The following TTLL11 variants were observed in gnomAD, a reference collection of about 807,000 sequenced individuals.
TTLL11 encodes the protein tubulin polyglutamylase TTLL11.
A neutral mutation model predicts 51.7 loss-of-function variants in TTLL11; 42 were observed. The observed-to-expected ratio is 0.81, with a 90% CI of 0.64 to 1.05. The LOEUF is 1.05. Ranked by LOEUF, TTLL11 falls within the 50% of genes least tolerant of loss-of-function variation. The pLI is 0.00. For missense variants in TTLL11, 799 were observed against 940.4 expected (o/e 0.85, Z 1.97); for synonymous variants, 381 against 383.5 (o/e 0.99, Z 0.08).
chr9:122,081,707 G>A (rs1332296308), intron 1 of TTLL11, among the ~76,000 whole-genome samples: 2 of 152,168 alleles, frequency 1.3e-5, no homozygotes, highest in Non-Finnish European at 2.9e-5. Flanking sequence ...AGTAATTAAG[G>A]ACTGTTTTTA....
chr9:122,008,351 CA>C (rs1260007435), intron 3 of TTLL11, among the ~76,000 whole-genome samples: 1 of 152,010 alleles, frequency 6.6e-6, no homozygotes, highest in Non-Finnish European at 1.5e-5. Context: ...GGTTAATATC[CA>C]AAATATATAA....
At chr9:121,908,171 C>T (rs968964861) in intron 6 of TTLL11, among the ~76,000 whole-genome samples, 1 of 152,170 alleles carries the variant, frequency 6.6e-6, no homozygotes, top group Non-Finnish European at 1.5e-5. Flanking sequence ...GAAGACTGAG[C>T]AAGAAGCATT....
At chr9:121,980,941 G>A (rs1003620913) in intron 4 of TTLL11, among the ~76,000 whole-genome samples, 1 of 152,178 alleles carries the variant, frequency 6.6e-6, no homozygotes, top group Non-Finnish European at 1.5e-5. Flanking sequence ...TGAACATAGT[G>A]TATCTTTTCT....
intron 6 of TTLL11, among the ~76,000 whole-genome samples, chr9:121,873,244 C>A (rs1461177271): frequency 6.6e-6 from 1 of 152,190 alleles, no homozygotes; most frequent in African/African-American, 2.4e-5. Context: ...TATGACTATG[C>A]CCCTGTTCCA....
At chr9:121,975,359 C>G (rs1399500154) in intron 4 of TTLL11, among the ~76,000 whole-genome samples, 6 of 152,266 alleles carry the variant, frequency 3.9e-5, no homozygotes, top group African/African-American at 1.4e-4. Flanking sequence ...CTCTGAGAAC[C>G]TAAGGCTGCT....
intron 6 of TTLL11, among the ~76,000 whole-genome samples, chr9:121,872,041 A>G (rs1339737551): frequency 1.3e-5 from 2 of 152,342 alleles, no homozygotes; most frequent in South Asian, 2.1e-4. Flanking sequence ...TAACTGATCC[A>G]AGGAAGTTAG....
chr9:121,881,945 C>T (rs1373560552), intron 6 of TTLL11, among the ~76,000 whole-genome samples: 1 of 152,180 alleles, frequency 6.6e-6, no homozygotes. Flanking sequence ...TCCCAACTAG[C>T]TGGTAATCTT....
chr9:121,859,357 CG>C, intron 8 of TTLL11, among the ~76,000 whole-genome samples: 1 of 151,400 alleles, frequency 6.6e-6, no homozygotes, highest in East Asian at 1.9e-4. Flanking sequence ...CAAAATTAGC[CG>C]GGCATGGTGG....
At chr9:121,911,732 T>G (rs1840127017) in intron 6 of TTLL11, among the ~76,000 whole-genome samples, 1 of 151,582 alleles carries the variant, frequency 6.6e-6, no homozygotes, top group Admixed American at 6.6e-5. Flanking sequence ...AGTTGAACAA[T>G]GAGAACACAT....
chr9:121,911,810 T>C (rs1840131060), intron 6 of TTLL11, among the ~76,000 whole-genome samples: 1 of 152,028 alleles, frequency 6.6e-6, no homozygotes, highest in African/African-American at 2.4e-5. Context: ...AGGAATAGCA[T>C]TAGGAGAAAT....
At chr9:121,998,898 C>A (rs962911850) in intron 3 of TTLL11, among the ~76,000 whole-genome samples, 1 of 152,146 alleles carries the variant, frequency 6.6e-6, no homozygotes, top group African/African-American at 2.4e-5. Flanking sequence ...CCCCAGCCTC[C>A]CAAAGTGCTG....
chr9:121,841,738 C>T (rs1023552498), intron 8 of TTLL11, among the ~76,000 whole-genome samples: 1 of 152,058 alleles, frequency 6.6e-6, no homozygotes, highest in Non-Finnish European at 1.5e-5. Context: ...TTGGGCCAGA[C>T]CATTGTTTGT....
At chr9:122,000,656 A>C (rs1843432298) in intron 3 of TTLL11, among the ~76,000 whole-genome samples, 1 of 152,078 alleles carries the variant, frequency 6.6e-6, no homozygotes, top group African/African-American at 2.4e-5. Context: ...GTTACACTAT[A>C]TGGTCTAAAA....
At chr9:121,945,993 C>T (rs1463104482) in intron 6 of TTLL11, among the ~76,000 whole-genome samples, 2 of 152,154 alleles carry the variant, frequency 1.3e-5, no homozygotes, top group Non-Finnish European at 2.9e-5. Context: ...ATGTGCCAGG[C>T]CCCATGCCAA....
chr9:121,914,131 TATG>T (rs1235215067), intron 6 of TTLL11, among the ~76,000 whole-genome samples: 1 of 152,214 alleles, frequency 6.6e-6, no homozygotes, highest in African/African-American at 2.4e-5. Context: ...CCCCATAGTA[TATG>T]AAGGAGTTGA....
chr9:122,071,993 C>T (rs1845741940), intron 1 of TTLL11, among the ~76,000 whole-genome samples: 1 of 152,184 alleles, frequency 6.6e-6, no homozygotes, highest in Non-Finnish European at 1.5e-5. Flanking sequence ...CCTAAATACA[C>T]TCCACACCAT....
At chr9:121,940,191 T>C (rs1044110341) in intron 6 of TTLL11, among the ~76,000 whole-genome samples, 19 of 152,214 alleles carry the variant, frequency 1.2e-4, no homozygotes, top group African/African-American at 4.3e-4. Context: ...GTTATATTTT[T>C]TGAATCTTGT....
intron 6 of TTLL11, among the ~76,000 whole-genome samples, chr9:121,882,305 C>T (rs147549444): frequency 1.1e-3 from 164 of 152,268 alleles, no homozygotes; most frequent in Middle Eastern, 3.4e-3. Context: ...CCTGGCAGAG[C>T]GTGACCTAGA....
chr9:121,877,077 T>A (rs1021315085), intron 6 of TTLL11, among the ~76,000 whole-genome samples: 8 of 152,324 alleles, frequency 5.3e-5, no homozygotes, highest in African/African-American at 1.9e-4. Context: ...GCCCCGTGGC[T>A]TGGCAGGAGA....
Sources: allele counts gnomAD v4.1 joint callset (sites outside exome capture counted in the v4.1 genomes callset), GRCh38; gene constraint gnomAD v4.1.1; transcripts MANE v1.5; gene names NCBI Gene and HGNC (gene_info 2026-07-23, HGNC 2026-07-21).